Variants in TJP1 observed in about 807,000 individuals in gnomAD.
TJP1 encodes tight junction protein ZO-1.
In TJP1, 43 loss-of-function variants were observed where a neutral mutation model predicts 194.2. The observed-to-expected ratio is 0.22, with a 90% CI of 0.17 to 0.29. The LOEUF (loss-of-function observed/expected upper bound fraction) is 0.29. Among genes scored for constraint, TJP1 ranks in the 10% least tolerant of loss-of-function variants. TJP1 has a pLI of 1.00. For missense variants in TJP1, 1,971 were observed against 2,185.7 expected, an observed-to-expected ratio of 0.90 and a Z score of 1.96; for synonymous variants, 801 against 779.0, an observed-to-expected ratio of 1.03 and a Z score of -0.47.
intron 8 of TJP1, among the ~76,000 whole-genome samples, chr15:29,750,256 G>T (rs1171935544): frequency 6.6e-6 from 1 of 152,082 alleles, no homozygotes; most frequent in Non-Finnish European, 1.5e-5. Context: ...GCCCGCCTCA[G>T]CCTCCCAAAG....
In TJP1 at chr15:29,901,543, T is replaced by G. The variant is rs553336542; in HGVS notation, c.306+54689A>C. The stretch of plus-strand genomic sequence containing the variant: ...GCAGTAAACAAGTGTCACGTCTGAC[T>G]AGGCACCATGGCTCACACCTGTAAT... On this transcript the variant is annotated intron_variant, in intron 2 of 28. Transcript: ENST00000356107. Among the ~76,000 whole-genome samples, 68 of 152,268 alleles carry G rather than the reference T, an allele frequency of 4.5e-4. 1 individual carries two copies. The highest frequency in any genetic ancestry group is 1.5e-3 in the African/African-American group (63 of 41,560).
chr15:29,760,164 C>A, intron 8 of TJP1: 1 of 699,496 alleles, frequency 1.4e-6, no homozygotes, highest in Non-Finnish European at 2.6e-6. Flanking sequence ...ATGTGGACTG[C>A]AGTTAACCAT....
intron 13 of TJP1, 59 bp from the exon 14 acceptor site, chr15:29,732,874 C>T: frequency 6.2e-6 from 9 of 1,461,056 alleles, no homozygotes; most frequent in Non-Finnish European, 8.3e-6. Flanking sequence ...TGGAAAAAGA[C>T]CCACAATGAA....
chr15:29,746,080 C>T (rs936772736), intron 8 of TJP1, among the ~76,000 whole-genome samples: 1 of 152,140 alleles, frequency 6.6e-6, no homozygotes, highest in Non-Finnish European at 1.5e-5. Context: ...TATGTACAGA[C>T]ATGAAAACTT....
chr15:29,912,099 G>A (rs12915348), intron 2 of TJP1, among the ~76,000 whole-genome samples: 53,644 of 152,018 alleles, frequency 0.35, 9,897 homozygotes, highest in East Asian at 0.52. Flanking sequence ...GGAGAGGCCC[G>A]CTTCCTGCTT....
At chr15:29,795,971 C>T (rs1403668484) in intron 2 of TJP1, among the ~76,000 whole-genome samples, 1 of 151,936 alleles carries the variant, frequency 6.6e-6, no homozygotes, top group African/African-American at 2.4e-5. Flanking sequence ...TAAAAACAAC[C>T]ATCTCTCAGT....
At chr15:29,801,938 C>A (rs915162474) in intron 1 of TJP1, among the ~76,000 whole-genome samples, 1 of 151,286 alleles carries the variant, frequency 6.6e-6, no homozygotes, top group Non-Finnish European at 1.5e-5. Context: ...AGAAAATTTA[C>A]GAATTTGTGT....
chr15:29,730,219 T>C (rs1004336915), intron 15 of TJP1, among the ~76,000 whole-genome samples: 1 of 152,140 alleles, frequency 6.6e-6, no homozygotes, highest in African/African-American at 2.4e-5. Flanking sequence ...GGTGGTGATA[T>C]GTGTAAAAAT....
intron 1 of TJP1, among the ~76,000 whole-genome samples, chr15:29,958,831 G>C (rs1455155135): frequency 6.6e-6 from 1 of 152,088 alleles, no homozygotes; most frequent in Non-Finnish European, 1.5e-5. Flanking sequence ...ATAGTGTTCA[G>C]GTTTCCTGGC....
rs2048723270 is a variant in TJP1, at chr15:29,800,665, T to C, written c.65A>G (p.His22Arg). Residue 22 changes from histidine (H) to arginine (R), a missense_variant, in exon 2 of 28, where the codon CAT becomes CGT. Around this residue, in one of 5 missense-constraint regions of TJP1, gnomAD observed 245 missense variants for 336.6 expected, o/e 0.73. Coordinates refer to ENST00000614355, the MANE Select transcript of TJP1 (RefSeq NM_001330239.4). ...ACTTACCCTGTGAAGCGTCACTGTATGTTGTTCCCATATAGCTGTTTCCTC... is the reference window on the plus strand; with the variant it reads ...ACTTACCCTGTGAAGCGTCACTGTACGTTGTTCCCATATAGCTGTTTCCTC... ...AMEETAIWEQHTVTLHRAPGF... is the reference protein window; with the variant it reads ...AMEETAIWEQRTVTLHRAPGF... 2 of 1,614,002 alleles carry C rather than the reference T, an allele frequency of 1.2e-6. No individual in the cohort carries two copies. Among genetic ancestry groups the C allele is most frequent in the Non-Finnish European group, 1.7e-6 (2 of 1,179,962 alleles).
intron 2 of TJP1, among the ~76,000 whole-genome samples, chr15:29,789,910 C>T (rs1237818264): frequency 2.6e-5 from 4 of 152,198 alleles, no homozygotes; most frequent in Non-Finnish European, 4.4e-5. Context: ...CCATAGCCCT[C>T]CATTTCAAAC....
chr15:29,761,821 TTAAC>T (rs772792993), intron 6 of TJP1, 52 bp from the exon 7 acceptor site: 1 of 1,423,448 alleles, frequency 7.0e-7, no homozygotes, highest in South Asian at 1.6e-5. Flanking sequence ...AATACAAATG[TTAAC>T]TTAGTTTGTT....
In TJP1 at chr15:29,916,975, CA is replaced by C. The variant is rs368713512; in HGVS notation, c.306+39256del. Reference sequence around the variant, plus strand: ...ACATACGCACACAGAACCCCCCCTCCACCACCACCTTTCATGGTGTATTTTT... The same window carrying C: ...ACATACGCACACAGAACCCCCCCTCCCCACCACCTTTCATGGTGTATTTTT... On this transcript the variant is annotated intron_variant, in intron 2 of 28. Coordinates refer to the TJP1 transcript ENST00000356107. 3.0e-4 allele frequency among the ~76,000 whole-genome samples: 46 copies of C among 152,314 alleles called. No individual in the cohort carries two copies. In the East Asian group the frequency reaches 5.6e-3, roughly 19 times the overall value.
At chr15:29,764,178 G>C (rs1357807832) in intron 5 of TJP1, among the ~76,000 whole-genome samples, 1 of 152,202 alleles carries the variant, frequency 6.6e-6, no homozygotes, top group Non-Finnish European at 1.5e-5. Context: ...GGTGAGTTCA[G>C]AGGGCAGAAA....
Position 29,726,795 on chromosome 15 carries a change from T to C in TJP1, c.2297A>G (p.His766Arg). ...AACATACTCACTTGTAAAAAGATGG[T>C]GATTATTTTTACGAAGTTTATGAGA... Reference protein sequence around the residue: ...ERSHKLRKNNHHLFTTTINLN... With the variant: ...ERSHKLRKNNRHLFTTTINLN... The change falls in exon 17 of 28, where the codon CAC (histidine) becomes CGC (arginine). Residue 766 changes from histidine to arginine, a missense_variant. Physicochemically the swap from His to Arg is conservative, Grantham distance 29. Coordinates refer to ENST00000614355, the MANE Select transcript of TJP1 (RefSeq NM_001330239.4). 6.2e-7 allele frequency: 1 copy of C among 1,613,944 alleles called. No homozygotes were observed. Among genetic ancestry groups the C allele is most frequent in the South Asian group, 1.1e-5 (1 of 91,068 alleles).
intron 2 of TJP1, among the ~76,000 whole-genome samples, chr15:29,844,112 T>C (rs1272094775): frequency 6.6e-6 from 1 of 152,158 alleles, no homozygotes; most frequent in Non-Finnish European, 1.5e-5. Flanking sequence ...AGACGGAGTC[T>C]CCCTCTGTCT....
chr15:29,966,501 AAAATAAAT>A (rs199759350), intron 1 of TJP1, among the ~76,000 whole-genome samples: 12 of 152,032 alleles, frequency 7.9e-5, no homozygotes, highest in South Asian at 2.1e-4. Context: ...AAACTGTTTC[AAAATAAAT>A]AAATAAATAA....
chr15:29,718,222 TA>T, intron 21 of TJP1, 43 bp downstream of exon 21: 1 of 1,597,758 alleles, frequency 6.3e-7, no homozygotes, highest in South Asian at 1.1e-5. Context: ...AGAAGCCTTT[TA>T]AACGGTGTGC....
At chr15:29,862,913 A>G (rs557682776) in intron 2 of TJP1, among the ~76,000 whole-genome samples, 19 of 151,208 alleles carry the variant, frequency 1.3e-4, no homozygotes, top group Non-Finnish European at 2.5e-4. Context: ...CTCCCAAAGT[A>G]CTGGGATTAC....
Sources: allele counts gnomAD v4.1 joint callset (sites outside exome capture counted in the v4.1 genomes callset), GRCh38; gene constraint gnomAD v4.1.1; regional missense constraint gnomAD v4.1.1; transcripts MANE v1.5; gene names NCBI Gene and HGNC (gene_info 2026-07-23, HGNC 2026-07-21).